CDYL: variants seen among roughly 807,000 people sequenced by gnomAD.
CDYL encodes the protein chromodomain Y like.
Under a neutral mutation model 47.3 loss-of-function variants are expected in CDYL, and 8 were observed. The ratio of observed to expected loss-of-function variants is 0.17; its 90% CI spans 0.10 to 0.31. The LOEUF (loss-of-function observed/expected upper bound fraction) is 0.31, where lower values mean the gene tolerates loss of function less well. Ranked by LOEUF, CDYL falls within the 10% of genes least tolerant of loss-of-function variation. The pLI is 1.00. For synonymous variants in CDYL, 266 were observed against 265.0 expected (o/e 1.00, Z -0.04); for missense variants, 471 against 701.4 (o/e 0.67, Z 3.71).
intron 1 of CDYL, among the ~76,000 whole-genome samples, chr6:4,709,323 G>A (rs1222554641): frequency 6.6e-6 from 1 of 152,104 alleles, no homozygotes; most frequent in Admixed American, 6.5e-5. Flanking sequence ...AGCCTGCCAA[G>A]TAGCTGGAAT....
rs1159363694 is a variant in CDYL at position 4,951,525 on chromosome 6, AT to A, written c.1333-739del. 1.2e-4 allele frequency among the ~76,000 whole-genome samples: 18 copies of A among 152,134 alleles called. No homozygotes were observed. The South Asian group carries it at 3.7e-3, about 32-fold the overall frequency. On this transcript the variant is annotated intron_variant, in intron 5 of 6. Coordinates refer to ENST00000397588, the MANE Select transcript of CDYL (RefSeq NM_004824.4). ...ATTAATTTCATATATACACATATAT[AT>A]TCTTTTAAAGAAAACCTAATGTTAG...
intron 5 of CDYL, among the ~76,000 whole-genome samples, chr6:4,948,149 C>T (rs1374338322): frequency 6.6e-6 from 1 of 152,122 alleles, no homozygotes; most frequent in Non-Finnish European, 1.5e-5. Flanking sequence ...TGGAACATCC[C>T]GTGAATCTCA....
intron 2 of CDYL, among the ~76,000 whole-genome samples, chr6:4,910,424 T>C (rs1757376874): frequency 6.6e-6 from 1 of 152,240 alleles, no homozygotes; most frequent in Non-Finnish European, 1.5e-5. Context: ...TACTTTCTGC[T>C]CTTTTCCTTC....
In CDYL at chr6:4,882,057, C is replaced by T. The variant is rs77492001; in HGVS notation, c.25-9656C>T. On this transcript the variant is annotated intron_variant, in intron 1 of 6. Coordinates refer to ENST00000397588, the MANE Select transcript of CDYL (RefSeq NM_004824.4). ...TGCTCCTGTGACATCGTCCATTGCA[C>T]GCAGAGGTGTCATCCTCTGGGGACT... is the stretch of plus-strand genomic sequence containing the variant. Among the ~76,000 whole-genome samples the T allele has an allele frequency of 8.0e-3, 1,222 of 152,280 alleles. 9 individuals are homozygous for T. The highest frequency in any genetic ancestry group is 0.01 in the Non-Finnish European group (683 of 68,006).
chr6:4,906,732 C>T (rs1214613646), intron 2 of CDYL, among the ~76,000 whole-genome samples: 1 of 152,166 alleles, frequency 6.6e-6, no homozygotes, highest in Non-Finnish European at 1.5e-5. Flanking sequence ...AGCTTTATAA[C>T]AGCAAACCAA....
At chr6:4,740,935 T>A (rs1447799125) in intron 3 of CDYL, among the ~76,000 whole-genome samples, 3 of 151,940 alleles carry the variant, frequency 2.0e-5, no homozygotes, top group Admixed American at 6.6e-5. Context: ...TACAGGCATG[T>A]GCCACCGTGC....
upstream of CDYL, chr6:4,776,329 C>A (rs1383123122): frequency 6.9e-6 from 1 of 144,786 alleles, no homozygotes; most frequent in African/African-American, 2.5e-5. Context: ...GCCCGAAAAC[C>A]CGGAGCGCGG....
chr6:4,882,431 T>G (rs1010796605), intron 1 of CDYL, among the ~76,000 whole-genome samples: 15 of 152,346 alleles, frequency 9.8e-5, no homozygotes, highest in Admixed American at 7.8e-4. Flanking sequence ...CCCTGGTTAT[T>G]GCTAATTCTT....
intron 4 of CDYL, 39 bp downstream of exon 4, chr6:4,937,776 T>C: frequency 6.4e-7 from 1 of 1,552,798 alleles, no homozygotes; most frequent in Non-Finnish European, 8.7e-7. Context: ...TGGTTGGGTG[T>C]TTTGTTTTTG....
chr6:4,776,277 G>C (rs973106380), upstream of CDYL, among the ~76,000 whole-genome samples: 2 of 144,532 alleles, frequency 1.4e-5, no homozygotes, highest in Non-Finnish European at 3.1e-5. Flanking sequence ...GCTCCCCTCG[G>C]CTGCCCCGCC....
chr6:4,734,306 G>T (rs1282927989), intron 2 of CDYL, among the ~76,000 whole-genome samples: 2 of 152,202 alleles, frequency 1.3e-5, no homozygotes, highest in Non-Finnish European at 2.9e-5. Context: ...CCAGGGCACT[G>T]TTGTCTGATG....
intron 3 of CDYL, among the ~76,000 whole-genome samples, chr6:4,735,893 G>A (rs1056166714): frequency 3.9e-5 from 4 of 102,956 alleles, no homozygotes; most frequent in Non-Finnish European, 8.4e-5. Flanking sequence ...TTATGTGCAT[G>A]TGTGCACGTG....
chr6:4,741,404 A>G (rs1757794984), intron 3 of CDYL, among the ~76,000 whole-genome samples: 1 of 152,170 alleles, frequency 6.6e-6, no homozygotes, highest in African/African-American at 2.4e-5. Context: ...ATAAGATTAA[A>G]TTTCATTTTT....
chr6:4,810,080 C>G (rs1759482752), intron 1 of CDYL, among the ~76,000 whole-genome samples: 1 of 152,056 alleles, frequency 6.6e-6, no homozygotes, highest in African/African-American at 2.4e-5. Flanking sequence ...CTTGGACATA[C>G]TTTCTCCCCG....
chr6:4,868,521 T>A (rs992083093), intron 1 of CDYL, among the ~76,000 whole-genome samples: 3 of 152,286 alleles, frequency 2.0e-5, no homozygotes, highest in East Asian at 1.9e-4. Flanking sequence ...AGGATCTTTT[T>A]ATATATCTTA....
intron 1 of CDYL, among the ~76,000 whole-genome samples, chr6:4,784,686 C>G (rs1311894688): frequency 6.6e-6 from 1 of 152,218 alleles, no homozygotes; most frequent in East Asian, 1.9e-4. Flanking sequence ...TATAATACCA[C>G]ATTTTTACTG....
chr6:4,914,969 C>T (rs4144546), intron 2 of CDYL, among the ~76,000 whole-genome samples: 127,441 of 152,234 alleles, frequency 0.84, 53,540 homozygotes, highest in Admixed American at 0.89. Context: ...AGGTCGGGCA[C>T]GTATCCTTGC....
At chr6:4,800,408 G>A (rs1759190569) in intron 1 of CDYL, among the ~76,000 whole-genome samples, 1 of 152,080 alleles carries the variant, frequency 6.6e-6, no homozygotes, top group South Asian at 2.1e-4. Flanking sequence ...TATTGTCACA[G>A]TTGTTGCATT....
chr6:4,873,750 A>T lies in CDYL; in HGVS notation c.25-17963A>T, dbSNP rs1338793134. Among the ~76,000 whole-genome samples, 5 of 152,204 alleles carry T rather than the reference A, an allele frequency of 3.3e-5. No homozygotes were observed. The South Asian group carries it at 8.3e-4, about 25-fold the overall frequency. On this transcript the variant is annotated intron_variant, in intron 1 of 6. Coordinates refer to ENST00000397588, the MANE Select transcript of CDYL (RefSeq NM_004824.4). ...CTGTCATTATTGAAGAAATTCAGAA[A>T]TGAAGTTTAGCATTCCTGTGGTGAC... is the stretch of plus-strand genomic sequence containing the variant.
Sources: gnomAD v4.1 joint callset for allele counts (sites outside exome capture counted in the v4.1 genomes callset) on GRCh38, gnomAD v4.1.1 for gene constraint, MANE v1.5 for transcripts, NCBI Gene and HGNC (gene_info 2026-07-23, HGNC 2026-07-21) for gene names.